Variants in WWOX observed in about 807,000 individuals in gnomAD.
WWOX encodes WW domain containing oxidoreductase, also known as WW domain-containing oxidoreductase.
In WWOX, 69 loss-of-function variants were observed where a neutral mutation model predicts 46.2. The observed-to-expected ratio is 1.49, with a 90% confidence interval of 1.23 to 1.82. WWOX has a LOEUF of 1.82. Ranked by LOEUF, WWOX falls within the 40% of genes most tolerant of loss-of-function variation. WWOX has a pLI of 0.00. For missense variants in WWOX, 919 were observed against 542.6 expected (o/e 1.69, Z -6.89); for synonymous variants, 359 against 202.6 (o/e 1.77, Z -6.56).
intron 4 of WWOX, among the ~76,000 whole-genome samples, chr16:78,124,759 G>C (rs1264731273): frequency 6.6e-6 from 1 of 152,200 alleles, no homozygotes; most frequent in Non-Finnish European, 1.5e-5. Flanking sequence ...TCACCAGGCT[G>C]TGCTTGATGG....
At chr16:79,011,772 C>T (rs927928645) in intron 8 of WWOX, among the ~76,000 whole-genome samples, 1 of 152,176 alleles carries the variant, frequency 6.6e-6, no homozygotes, top group East Asian at 1.9e-4. Flanking sequence ...GGATTACAGG[C>T]ATGAGCCACC....
At chr16:78,126,986 C>G (rs1038725404) in intron 4 of WWOX, among the ~76,000 whole-genome samples, 1 of 152,170 alleles carries the variant, frequency 6.6e-6, no homozygotes, top group East Asian at 1.9e-4. Context: ...TGTACCATTG[C>G]TGAAAATAGC....
In WWOX at chr16:78,196,593, A is replaced by T. The variant is rs1241728765; in HGVS notation, c.516+32304A>T. ...GTGGAAATTAACATTACTGGTCCTG[A>T]GGAAAGATTGTGTTGGGGAGGTTGT... On this transcript the variant is annotated intron_variant, in intron 5 of 8. Coordinates refer to ENST00000566780, the MANE Select transcript of WWOX (RefSeq NM_016373.4). 2.6e-5 allele frequency among the ~76,000 whole-genome samples: 4 copies of T among 152,170 alleles called. No homozygotes were observed. The East Asian group carries it at 7.7e-4, about 29-fold the overall frequency.
rs78951784 is a variant in WWOX at position 78,782,442 on chromosome 16, A to T, written c.1056+349690A>T. Among the ~76,000 whole-genome samples the T allele has an allele frequency of 1.6e-3, 246 of 152,288 alleles. 1 individual carries two copies. The highest frequency in any genetic ancestry group is 2.6e-3 in the Non-Finnish European group (175 of 68,028). ...CTTATGCTGGGGCAACGCTACCAAC[A>T]TTGGTATTCCACAGCATTCCAACGA... On this transcript the variant is annotated intron_variant, in intron 8 of 8. Coordinates refer to ENST00000566780, the MANE Select transcript of WWOX (RefSeq NM_016373.4).
chr16:79,078,140 T>G (rs904797125), intron 8 of WWOX: 1 of 152,162 alleles, frequency 6.6e-6, no homozygotes, highest in Non-Finnish European at 1.5e-5. Flanking sequence ...GACATAAAAC[T>G]TGGGAGCCGA....
intron 8 of WWOX, among the ~76,000 whole-genome samples, chr16:78,593,119 T>C (rs938203839): frequency 6.6e-6 from 1 of 152,150 alleles, no homozygotes; most frequent in Admixed American, 6.5e-5. Flanking sequence ...CACTGGGAGT[T>C]TGTGCCAAAC....
chr16:78,686,234 A>G (rs976484789), intron 8 of WWOX, among the ~76,000 whole-genome samples: 9 of 152,286 alleles, frequency 5.9e-5, no homozygotes, highest in East Asian at 1.9e-4. Flanking sequence ...TTAGAAGGCC[A>G]GGCGCGGTGG....
intron 5 of WWOX, among the ~76,000 whole-genome samples, chr16:78,174,198 G>C (rs535234659): frequency 6.6e-6 from 1 of 152,198 alleles, no homozygotes; most frequent in African/African-American, 2.4e-5. Context: ...TGGACTTACA[G>C]TTCCACATGG....
intron 8 of WWOX, among the ~76,000 whole-genome samples, chr16:78,654,513 G>C (rs2047037871): frequency 1.3e-5 from 2 of 152,098 alleles, no homozygotes; most frequent in Non-Finnish European, 2.9e-5. Flanking sequence ...AAAGAAATAG[G>C]TAAAACAATA....
chr16:78,273,946 AC>A (rs1315822538), intron 5 of WWOX, among the ~76,000 whole-genome samples: 1 of 152,216 alleles, frequency 6.6e-6, no homozygotes, highest in African/African-American at 2.4e-5. Flanking sequence ...GGAGGGATGG[AC>A]AGGATAGACA....
At chr16:78,320,002 T>C (rs1567498171) in intron 5 of WWOX, among the ~76,000 whole-genome samples, 1 of 152,224 alleles carries the variant, frequency 6.6e-6, no homozygotes, top group Non-Finnish European at 1.5e-5. Flanking sequence ...ATTATATCTT[T>C]TAACTTTATT....
chr16:78,822,826 G>C (rs562589017), intron 8 of WWOX, among the ~76,000 whole-genome samples: 1 of 151,866 alleles, frequency 6.6e-6, no homozygotes, highest in African/African-American at 2.4e-5. Context: ...CAAATTGAAA[G>C]GTAATTCCTA....
At chr16:78,748,428 G>C (rs1386180017) in intron 8 of WWOX, among the ~76,000 whole-genome samples, 4 of 152,130 alleles carry the variant, frequency 2.6e-5, no homozygotes, top group African/African-American at 9.7e-5. Flanking sequence ...CAAGCCCTGG[G>C]GATACAGAGT....
chr16:78,299,312 C>A (rs1214339313), intron 5 of WWOX, among the ~76,000 whole-genome samples: 1 of 152,124 alleles, frequency 6.6e-6, no homozygotes, highest in South Asian at 2.1e-4. Context: ...GGCCACTTCT[C>A]ACCTTCAGAG....
intron 8 of WWOX, among the ~76,000 whole-genome samples, chr16:78,760,043 A>C (rs1000507192): frequency 6.6e-6 from 1 of 152,192 alleles, no homozygotes; most frequent in African/African-American, 2.4e-5. Context: ...CTGTGTTCAC[A>C]CTAGTGATAA....
chr16:78,896,924 G>C (rs1385774702), intron 8 of WWOX: 1 of 151,906 alleles, frequency 6.6e-6, no homozygotes, highest in Non-Finnish European at 1.5e-5. Context: ...CACCACCCCA[G>C]TTAAGATATA....
intron 6 of WWOX, among the ~76,000 whole-genome samples, chr16:78,409,045 T>G (rs2082612798): frequency 6.6e-6 from 1 of 152,228 alleles, no homozygotes; most frequent in Admixed American, 6.5e-5. Context: ...GGCTGCTGCT[T>G]ATAGCTCTTG....
intron 8 of WWOX, among the ~76,000 whole-genome samples, chr16:78,871,457 C>A (rs947797837): frequency 1.3e-5 from 2 of 152,154 alleles, no homozygotes; most frequent in Admixed American, 1.3e-4. Context: ...ACCACAGTTT[C>A]CAGTGCTTCT....
chr16:78,317,724 C>A (rs2080384477), intron 5 of WWOX, among the ~76,000 whole-genome samples: 2 of 152,074 alleles, frequency 1.3e-5, no homozygotes, highest in Admixed American at 6.6e-5. Flanking sequence ...AGGTGTGCCT[C>A]CCCATGGGCC....
Sources: allele counts gnomAD v4.1 joint callset (sites outside exome capture counted in the v4.1 genomes callset), GRCh38; gene constraint gnomAD v4.1.1; transcripts MANE v1.5; gene names NCBI Gene and HGNC (gene_info 2026-07-23, HGNC 2026-07-21).